ARHGEF7: variants seen among roughly 807,000 people sequenced by gnomAD.
The protein encoded by ARHGEF7 is PAK-interacting exchange factor beta.
In ARHGEF7, 33 loss-of-function variants were observed where a neutral mutation model predicts 109.8. That is an observed-to-expected ratio of 0.30 (90% CI 0.23 to 0.40). The LOEUF (loss-of-function observed/expected upper bound fraction) is 0.40, where lower values mean the gene tolerates loss of function less well. Among genes scored for constraint, ARHGEF7 ranks in the 10% least tolerant of loss-of-function variants. The pLI, the probability that ARHGEF7 is intolerant of heterozygous loss-of-function variation, is 1.00. For missense variants in ARHGEF7, 938 were observed against 1,098.5 expected, an observed-to-expected ratio of 0.85 and a Z score of 2.07; for synonymous variants, 458 against 424.6, an observed-to-expected ratio of 1.08 and a Z score of -0.97.
chr13:111,227,387 G>T (rs188332019), intron 5 of ARHGEF7, among the ~76,000 whole-genome samples: 131 of 152,326 alleles, frequency 8.6e-4, no homozygotes, highest in African/African-American at 3.0e-3. Flanking sequence ...CATAGCCACC[G>T]CAGCCTTCTG....
rs990470756 is a variant in ARHGEF7, at chr13:111,304,210, A to G, written c.*1097A>G. ...AGGTTCCACTAAGTAACATAGGCATAAGCAGGGAACGTTTCCCCCACTGTG... is the reference window on the plus strand; with the variant it reads ...AGGTTCCACTAAGTAACATAGGCATGAGCAGGGAACGTTTCCCCCACTGTG... On this transcript the variant is annotated 3_prime_UTR_variant, in exon 22 of 22. Transcript: ENST00000646102. The G allele has an allele frequency of 6.6e-6, 1 of 152,258 alleles. No homozygotes were observed. Among genetic ancestry groups the G allele is most frequent in the African/African-American group, 2.4e-5 (1 of 41,458 alleles). 9.4% of individuals were successfully genotyped at this position (152,258 alleles called of 1,614,324 possible). A position where few individuals can be genotyped will look rare whatever the true frequency, so the allele number is the denominator to read the frequency against.
intron 5 of ARHGEF7, among the ~76,000 whole-genome samples, chr13:111,218,106 C>T (rs529641560): frequency 6.6e-6 from 1 of 152,234 alleles, no homozygotes; most frequent in African/African-American, 2.4e-5. Context: ...CTGGCATTTT[C>T]CAGACGTGAA....
intron 1 of ARHGEF7, among the ~76,000 whole-genome samples, chr13:111,122,311 T>C (rs1278222825): frequency 1.3e-5 from 2 of 152,184 alleles, no homozygotes; most frequent in Non-Finnish European, 2.9e-5. Context: ...AGATGGGAAG[T>C]GAGGGCCAGC....
chr13:111,159,774 G>C (rs548826715), intron 2 of ARHGEF7, among the ~76,000 whole-genome samples: 1 of 152,204 alleles, frequency 6.6e-6, no homozygotes, highest in South Asian at 2.1e-4. Flanking sequence ...CTTCTTATCA[G>C]ATGTATGGTT....
chr13:111,206,564 G>A (rs75013682), intron 3 of ARHGEF7, among the ~76,000 whole-genome samples: 15,615 of 152,186 alleles, frequency 0.1, 1,108 homozygotes, highest in Middle Eastern at 0.16. Flanking sequence ...AAATTTAAAT[G>A]GCAGGATTAT....
chr13:111,219,270 G>C, intron 5 of ARHGEF7, among the ~76,000 whole-genome samples: 1 of 152,112 alleles, frequency 6.6e-6, no homozygotes, highest in African/African-American at 2.4e-5. Flanking sequence ...TTTGTCTTTT[G>C]ACTGCTTATT....
At chr13:111,182,561 C>T (rs939368037) in intron 2 of ARHGEF7, 1 of 152,252 alleles carries the variant, frequency 6.6e-6, no homozygotes, top group Non-Finnish European at 1.5e-5. Context: ...GGGAACGTGG[C>T]CTGGGGTCTG....
chr13:111,267,282 A>C (rs1049286545), intron 8 of ARHGEF7, among the ~76,000 whole-genome samples: 1 of 152,200 alleles, frequency 6.6e-6, no homozygotes, highest in Non-Finnish European at 1.5e-5. Context: ...TCACTGCCCA[A>C]AGAACTTGGG....
At chr13:111,260,270 A>G (rs191945427) in intron 8 of ARHGEF7, among the ~76,000 whole-genome samples, 2 of 152,378 alleles carry the variant, frequency 1.3e-5, no homozygotes, top group Non-Finnish European at 2.9e-5. Flanking sequence ...TTATATTAAT[A>G]AAACACGAAG....
intron 9 of ARHGEF7, among the ~76,000 whole-genome samples, chr13:111,270,969 G>A (rs148213322): frequency 6.2e-4 from 95 of 152,308 alleles, no homozygotes; most frequent in African/African-American, 2.1e-3. Flanking sequence ...GTGTGTGTGC[G>A]GAACAGGCTG....
chr13:111,175,248 A>G (rs2078023282), intron 2 of ARHGEF7, among the ~76,000 whole-genome samples: 1 of 152,222 alleles, frequency 6.6e-6, no homozygotes, highest in African/African-American at 2.4e-5. Context: ...TAGAAGCTCT[A>G]GAGTCAAGGC....
intron 7 of ARHGEF7, 79 bp from the exon 8 acceptor site, chr13:111,244,120 T>C: frequency 7.9e-7 from 1 of 1,266,540 alleles, no homozygotes; most frequent in South Asian, 1.4e-5. Context: ...AAGACTTCAA[T>C]AGGACATTGG....
chr13:111,287,566 A>G (rs1279602311), intron 17 of ARHGEF7, among the ~76,000 whole-genome samples: 1 of 152,234 alleles, frequency 6.6e-6, no homozygotes, highest in Non-Finnish European at 1.5e-5. Flanking sequence ...TGTGTGGGCC[A>G]TGGAGTGCTG....
intron 19 of ARHGEF7, among the ~76,000 whole-genome samples, chr13:111,298,556 C>T (rs890061204): frequency 8.5e-5 from 13 of 152,350 alleles, no homozygotes; most frequent in South Asian, 6.2e-4. Flanking sequence ...GGGCTGTCTC[C>T]GTCCTTGTCT....
Position 111,171,852 on chromosome 13 carries a change from C to T in ARHGEF7, c.252+17861C>T, listed in dbSNP as rs143226699. ...ACTAGGCTCATGAATGGGGTTAGTGCTCATATAAAAGAGGCCTCAGAGAGA... is the reference window on the plus strand; with the variant it reads ...ACTAGGCTCATGAATGGGGTTAGTGTTCATATAAAAGAGGCCTCAGAGAGA... On this transcript the variant is annotated intron_variant, in intron 2 of 21. Coordinates refer to ENST00000646102, the MANE Select transcript of ARHGEF7 (RefSeq NM_001354046.2). Among the ~76,000 whole-genome samples the T allele has an allele frequency of 5.7e-3, 872 of 152,224 alleles. 5 individuals carry two copies. Among genetic ancestry groups the T allele is most frequent in the Admixed American group, 0.013 (196 of 15,296 alleles).
At chr13:111,125,766 G>A (rs75790240) in intron 1 of ARHGEF7, among the ~76,000 whole-genome samples, 2,427 of 152,330 alleles carry the variant, frequency 0.016, 69 homozygotes, top group African/African-American at 0.055. Flanking sequence ...GGACTTTTAA[G>A]TACCCATTTG....
Position 111,239,866 on chromosome 13 carries a change from T to C in ARHGEF7, c.760-4006T>C, listed in dbSNP as rs995673373. 1.3e-5 allele frequency among the ~76,000 whole-genome samples: 2 copies of C among 152,046 alleles called. No homozygotes were observed. The highest frequency in any genetic ancestry group is 4.8e-5 in the African/African-American group (2 of 41,374). ...GAGAGGAGCTCAGTGTTTGGGAGGATTGAGTGACTTAATTGCAAGAAAGGC... is the reference window on the plus strand; with the variant it reads ...GAGAGGAGCTCAGTGTTTGGGAGGACTGAGTGACTTAATTGCAAGAAAGGC... On this transcript the variant is annotated intron_variant, in intron 6 of 21. Transcript: ENST00000646102. The surrounding 1 kb of genome is among the most constrained non-coding windows in gnomAD (Gnocchi z 4.3).
intron 8 of ARHGEF7, among the ~76,000 whole-genome samples, chr13:111,250,976 C>T (rs577579111): frequency 6.6e-6 from 1 of 152,296 alleles, no homozygotes; most frequent in South Asian, 2.1e-4. Flanking sequence ...AATGTAGGCT[C>T]TGTTAGGTAG....
chr13:111,159,181 A>G (rs2076563618), intron 2 of ARHGEF7: 2 of 668,522 alleles, frequency 3.0e-6, no homozygotes, highest in African/African-American at 3.6e-5. Context: ...AATGTTCTCC[A>G]GGTTCATTCA....
Sources: allele counts gnomAD v4.1 joint callset (sites outside exome capture counted in the v4.1 genomes callset), GRCh38; gene constraint gnomAD v4.1.1; non-coding constraint Gnocchi (gnomAD v3.1); transcripts MANE v1.5; gene names NCBI Gene and HGNC (gene_info 2026-07-23, HGNC 2026-07-21).